The following ADGRL3 variants were observed in gnomAD, a reference collection of about 807,000 sequenced individuals.
ADGRL3 encodes calcium-independent alpha-latrotoxin receptor 3.
Under a neutral mutation model 153.5 loss-of-function variants are expected in ADGRL3, and 62 were observed. The ratio of observed to expected loss-of-function variants is 0.40; its 90% CI spans 0.33 to 0.50. The LOEUF (loss-of-function observed/expected upper bound fraction) is 0.50, where lower values mean the gene tolerates loss of function less well. Ranked by LOEUF, ADGRL3 falls within the 20% of genes least tolerant of loss-of-function variation. The pLI is 0.47. For synonymous variants in ADGRL3, 710 were observed against 672.5 expected (o/e 1.06, Z -0.86); for missense variants, 1,641 against 1,859.4 (o/e 0.88, Z 2.16).
At chr4:61,775,907 A>ATTT (rs200207362) in intron 8 of ADGRL3, 1 of 232,060 alleles carries the variant, frequency 4.3e-6, no homozygotes, top group Non-Finnish European at 8.1e-6. Context: ...TTATTTATTT[A>ATTT]TTTATTTTTT....
intron 4 of ADGRL3, among the ~76,000 whole-genome samples, chr4:61,519,746 A>G (rs775909722): frequency 1.3e-5 from 2 of 152,178 alleles, no homozygotes; most frequent in Non-Finnish European, 2.9e-5. Context: ...AATTTGAACA[A>G]GAAAATGTCA....
intron 4 of ADGRL3, among the ~76,000 whole-genome samples, chr4:61,585,890 C>T (rs2098944540): frequency 6.6e-6 from 1 of 151,886 alleles, no homozygotes; most frequent in South Asian, 2.1e-4. Context: ...GTGTGTTTCT[C>T]ATAAATATGA....
intron 3 of ADGRL3, among the ~76,000 whole-genome samples, chr4:61,516,031 G>A (rs2098491820): frequency 6.6e-6 from 1 of 152,020 alleles, no homozygotes; most frequent in Admixed American, 6.5e-5. Context: ...ATCATACATT[G>A]TAATAAATTC....
chr4:61,333,103 G>A (rs1225514390), intron 1 of ADGRL3, among the ~76,000 whole-genome samples: 1 of 151,856 alleles, frequency 6.6e-6, no homozygotes, highest in Non-Finnish European at 1.5e-5. Context: ...CATTTTTTGA[G>A]TTTAAGTTAT....
At chr4:61,368,471 T>C (rs1178916423) in intron 1 of ADGRL3, among the ~76,000 whole-genome samples, 3 of 152,146 alleles carry the variant, frequency 2.0e-5, no homozygotes, top group Non-Finnish European at 4.4e-5. Context: ...CCCAGCACCA[T>C]TTATTAAATG....
intron 17 of ADGRL3, among the ~76,000 whole-genome samples, chr4:61,969,034 A>G (rs959839776): frequency 2.0e-5 from 3 of 152,106 alleles, no homozygotes; most frequent in Middle Eastern, 3.2e-3. Flanking sequence ...GTATCATTTG[A>G]TATATTGTAG....
At chr4:61,332,437 G>C (rs1005401593) in intron 1 of ADGRL3, among the ~76,000 whole-genome samples, 1 of 152,102 alleles carries the variant, frequency 6.6e-6, no homozygotes, top group Non-Finnish European at 1.5e-5. Context: ...TATTTGTATG[G>C]AGGATGCAGT....
intron 8 of ADGRL3, among the ~76,000 whole-genome samples, chr4:61,756,235 T>C (rs1190189895): frequency 2.0e-5 from 3 of 152,242 alleles, no homozygotes; most frequent in East Asian, 3.9e-4. Context: ...ACAATATTGA[T>C]TCTTCCTACC....
chr4:61,603,711 C>A (rs1397376796), intron 5 of ADGRL3, among the ~76,000 whole-genome samples: 1 of 149,946 alleles, frequency 6.7e-6, no homozygotes. Flanking sequence ...AACTCCCATC[C>A]CTCTTAGTGT....
chr4:61,853,715 T>G (rs2098233607), intron 9 of ADGRL3, among the ~76,000 whole-genome samples: 1 of 152,204 alleles, frequency 6.6e-6, no homozygotes, highest in South Asian at 2.1e-4. Flanking sequence ...TTTAACTACA[T>G]GATTTGCATT....
intron 9 of ADGRL3, among the ~76,000 whole-genome samples, chr4:61,890,490 G>A (rs2098568980): frequency 6.6e-6 from 1 of 151,474 alleles, no homozygotes; most frequent in African/African-American, 2.4e-5. Context: ...TCATCCCATG[G>A]CAGAAGGCAG....
chr4:61,991,232 G>A (rs1221663570), intron 19 of ADGRL3, among the ~76,000 whole-genome samples: 5 of 151,732 alleles, frequency 3.3e-5, no homozygotes, highest in African/African-American at 1.2e-4. Flanking sequence ...CCATTTACTA[G>A]AGTAGCGATT....
intron 1 of ADGRL3, among the ~76,000 whole-genome samples, chr4:61,275,918 A>G (rs2093437189): frequency 6.6e-6 from 1 of 152,198 alleles, no homozygotes; most frequent in Admixed American, 6.5e-5. Flanking sequence ...CTTTTATTTT[A>G]TTATTTTTTC....
At chr4:61,244,254 T>G (rs1459155312) in intron 1 of ADGRL3, among the ~76,000 whole-genome samples, 5 of 152,040 alleles carry the variant, frequency 3.3e-5, no homozygotes. Flanking sequence ...ATTAGACTTG[T>G]ATTTCAAGTC....
At chr4:61,512,851 C>G (rs1478891235) in intron 3 of ADGRL3, among the ~76,000 whole-genome samples, 1 of 152,014 alleles carries the variant, frequency 6.6e-6, no homozygotes, top group East Asian at 1.9e-4. Context: ...TAAGTATTCT[C>G]TTTCCAAGAG....
intron 2 of ADGRL3, among the ~76,000 whole-genome samples, chr4:61,448,340 A>G (rs2097613391): frequency 6.6e-6 from 1 of 152,262 alleles, no homozygotes; most frequent in South Asian, 2.1e-4. Flanking sequence ...AGGAACAATA[A>G]TGAGAGATAA....
intron 5 of ADGRL3, among the ~76,000 whole-genome samples, chr4:61,615,476 A>G (rs570529520): frequency 5.4e-4 from 82 of 152,234 alleles, no homozygotes; most frequent in Non-Finnish European, 6.3e-4. Context: ...TGATATTCAA[A>G]TTGAATTTTG....
chr4:61,956,901 T>G (rs564945555), intron 17 of ADGRL3, among the ~76,000 whole-genome samples: 61 of 152,290 alleles, frequency 4.0e-4, no homozygotes, highest in East Asian at 3.9e-4. Context: ...TCTATATGTT[T>G]GTTTTGGTAC....
At chr4:62,061,492 A>G (rs769463706) in intron 25 of ADGRL3, among the ~76,000 whole-genome samples, 53 of 151,930 alleles carry the variant, frequency 3.5e-4, no homozygotes, top group African/African-American at 9.9e-4. Flanking sequence ...GTTTAGTTCT[A>G]TGCAATTTTA....
Sources: allele counts gnomAD v4.1 joint callset (sites outside exome capture counted in the v4.1 genomes callset), GRCh38; gene constraint gnomAD v4.1.1; transcripts MANE v1.5; gene names NCBI Gene and HGNC (gene_info 2026-07-23, HGNC 2026-07-21).